The following FNIP1 variants were observed in gnomAD, a reference collection of about 807,000 sequenced individuals.
FNIP1 encodes folliculin-interacting protein 1.
A neutral mutation model predicts 124.5 loss-of-function variants in FNIP1; 40 were observed. The observed-to-expected ratio is 0.32, with a 90% CI of 0.25 to 0.42. The LOEUF is 0.42. Ranked by LOEUF, FNIP1 falls within the 10% of genes least tolerant of loss-of-function variation. FNIP1 has a pLI of 1.00. For synonymous variants in FNIP1, 472 were observed against 470.6 expected (o/e 1.00, Z -0.04); for missense variants, 1,176 against 1,403.7 (o/e 0.84, Z 2.59).
intron 2 of FNIP1, among the ~76,000 whole-genome samples, chr5:131,742,979 A>C (rs1314314669): frequency 1.3e-5 from 2 of 152,210 alleles, no homozygotes. Flanking sequence ...GTAGGAAATA[A>C]AGGTGAGTAA....
intron 3 of FNIP1, among the ~76,000 whole-genome samples, chr5:131,724,686 C>T (rs1003741644): frequency 2.6e-5 from 4 of 152,156 alleles, no homozygotes; most frequent in Non-Finnish European, 4.4e-5. Flanking sequence ...GTTTCTTTTG[C>T]TGTGCAGAAG....
intron 1 of FNIP1, among the ~76,000 whole-genome samples, chr5:131,778,174 C>T (rs2149582122): frequency 6.6e-6 from 1 of 152,092 alleles, no homozygotes; most frequent in East Asian, 1.9e-4. Context: ...GCCTGGGCAA[C>T]AAAGCAAGAC....
chr5:131,749,339 A>G (rs1388703208), intron 1 of FNIP1, among the ~76,000 whole-genome samples: 1 of 151,462 alleles, frequency 6.6e-6, no homozygotes, highest in East Asian at 1.9e-4. Context: ...GTCTCGCAAA[A>G]TCCATTCACA....
intron 1 of FNIP1, among the ~76,000 whole-genome samples, chr5:131,746,491 T>C (rs1770685861): frequency 6.6e-6 from 1 of 152,188 alleles, no homozygotes; most frequent in African/African-American, 2.4e-5. Context: ...GAGTATCCAA[T>C]GTTTAGCTCC....
intron 12 of FNIP1, among the ~76,000 whole-genome samples, chr5:131,678,156 A>T (rs1767965360): frequency 6.6e-6 from 1 of 152,232 alleles, no homozygotes; most frequent in Admixed American, 6.5e-5. Flanking sequence ...TTTACTTCAA[A>T]AATTATGGAT....
At chr5:131,655,822 G>C (rs968709930) in intron 15 of FNIP1, among the ~76,000 whole-genome samples, 2 of 151,860 alleles carry the variant, frequency 1.3e-5, no homozygotes. Flanking sequence ...AGAGGCTGAC[G>C]CAGGAGAATG....
At chr5:131,775,894 A>T (rs1771787284) in intron 1 of FNIP1, among the ~76,000 whole-genome samples, 1 of 152,192 alleles carries the variant, frequency 6.6e-6, no homozygotes. Context: ...TGCCTGACAC[A>T]TAAGCTACAA....
chr5:131,666,817 C>A (rs1418201329), intron 15 of FNIP1, among the ~76,000 whole-genome samples: 3 of 152,172 alleles, frequency 2.0e-5, no homozygotes, highest in African/African-American at 7.2e-5. Context: ...CAGCAGGAGA[C>A]AGCAATGTTT....
At chr5:131,685,059 G>T (rs780163684) in intron 11 of FNIP1, among the ~76,000 whole-genome samples, 3 of 152,046 alleles carry the variant, frequency 2.0e-5, no homozygotes, top group Non-Finnish European at 2.9e-5. Flanking sequence ...TCGATAAAAC[G>T]TATTAATAAT....
rs376183613 is a variant in FNIP1, at chr5:131,709,323, G to A, written c.707-51C>T. On this transcript the variant is annotated intron_variant, in intron 7 of 17. Coordinates refer to ENST00000510461, the MANE Select transcript of FNIP1 (RefSeq NM_133372.3). ...TTATAAAATATATTGCTATTCAGGT[G>A]GATGAACAGCTCCTTTTAAATAGCA... The A allele has an allele frequency of 8.8e-5, 127 of 1,450,000 alleles. 1 individual carries two copies. In the South Asian group the frequency reaches 1.4e-3, roughly 16 times the overall value. The allele number at this position is 1,450,000 out of a possible 1,614,324, so 89.8% of individuals were successfully genotyped here.
Position 131,753,022 on chromosome 5 carries a change from C to A in FNIP1, c.93-8332G>T, listed in dbSNP as rs185899671. ...GGGAGGTGGAGGTTGCAGTGAGCCA[C>A]GATTGCATCACTGCACTCCAGCCTG... On this transcript the variant is annotated intron_variant, in intron 1 of 17. Coordinates refer to ENST00000510461, the MANE Select transcript of FNIP1 (RefSeq NM_133372.3). Among the ~76,000 whole-genome samples, 1,027 of 152,200 alleles carry A rather than the reference C, an allele frequency of 6.7e-3. 10 individuals carry two copies. The highest frequency in any genetic ancestry group is 0.011 in the Non-Finnish European group (746 of 67,984).
rs1473427290 is a variant in FNIP1 at position 131,710,561 on chromosome 5, C to G, written c.706+17G>C. The G allele has an allele frequency of 6.2e-7, 1 of 1,612,252 alleles. No individual in the cohort carries two copies. Among genetic ancestry groups the G allele is most frequent in the Non-Finnish European group, 8.5e-7 (1 of 1,179,486 alleles). On this transcript the variant is annotated intron_variant, in intron 7 of 17. Coordinates refer to ENST00000510461, the MANE Select transcript of FNIP1 (RefSeq NM_133372.3). The stretch of plus-strand genomic sequence containing the variant: ...TGGGGCACACCAACTAGTCTACCCA[C>G]ACAGCACATCGCAAACCTGCAAAGA...
In FNIP1 at chr5:131,655,158, G is replaced by A. The variant is rs143881006; in HGVS notation, c.3109-3159C>T. The stretch of plus-strand genomic sequence containing the variant: ...CAATTTGAAAAACTTAGACAAAACC[G>A]TGTAGCCTAGAAATACGGAAAATAA... On this transcript the variant is annotated intron_variant, in intron 15 of 17. Transcript: ENST00000510461. Among the ~76,000 whole-genome samples the A allele has an allele frequency of 3.0e-4, 45 of 152,216 alleles. No individual in the cohort carries two copies. In the South Asian group the frequency reaches 5.2e-3, roughly 18 times the overall value.
chr5:131,719,416 C>T lies in FNIP1; in HGVS notation c.356G>A (p.Gly119Asp). 6.2e-7 allele frequency: 1 copy of T among 1,604,342 alleles called. No homozygotes were observed. Among genetic ancestry groups the T allele is most frequent in the Non-Finnish European group, 8.5e-7 (1 of 1,177,382 alleles). The change falls in exon 4 of 18, where the codon GGT (glycine) becomes GAT (aspartate). Residue 119 changes from glycine (G) to aspartate (D), a missense_variant and splice_region_variant. This residue lies in a region of FNIP1 where 1,109 missense variants were observed against 1,288.5 expected (regional missense o/e 0.86). Transcript: ENST00000510461. ...DIKDQCLKYQGSRCSSDANML... is the reference protein window; with the variant it reads ...DIKDQCLKYQDSRCSSDANML... Reference sequence around the variant, plus strand: ...ATTGGCATCAGAAGAGCACCGAGAACCCTAAACAATAACCACATATTAACA... The same window carrying T: ...ATTGGCATCAGAAGAGCACCGAGAATCCTAAACAATAACCACATATTAACA...
chr5:131,754,295 T>G (rs1301074883), intron 1 of FNIP1, among the ~76,000 whole-genome samples: 1 of 152,210 alleles, frequency 6.6e-6, no homozygotes, highest in Non-Finnish European at 1.5e-5. Flanking sequence ...AATGATTTTA[T>G]CAACGTGATA....
chr5:131,688,052 G>A (rs952778685), intron 11 of FNIP1, among the ~76,000 whole-genome samples: 2 of 152,030 alleles, frequency 1.3e-5, no homozygotes, highest in Non-Finnish European at 2.9e-5. Flanking sequence ...GGCAGGGAGA[G>A]GGGATGGCTA....
At chr5:131,796,707 G>T in intron 1 of FNIP1, 123 bp downstream of exon 1, 1 of 871,790 alleles carries the variant, frequency 1.1e-6, no homozygotes, top group East Asian at 2.9e-5. Flanking sequence ...CCCCACCGAG[G>T]ACCAGATGCT....
chr5:131,647,488 T>C (rs1051019627), intron 16 of FNIP1, among the ~76,000 whole-genome samples: 1 of 152,020 alleles, frequency 6.6e-6, no homozygotes, highest in Non-Finnish European at 1.5e-5. Context: ...TTGTTTTTTG[T>C]TTTTGAGATG....
At chr5:131,786,166 G>A (rs950777096) in intron 1 of FNIP1, among the ~76,000 whole-genome samples, 3 of 152,262 alleles carry the variant, frequency 2.0e-5, no homozygotes, top group African/African-American at 7.2e-5. Flanking sequence ...AAGCATCTTT[G>A]TTAAATGAAT....
Sources: gnomAD v4.1 joint callset for allele counts (sites outside exome capture counted in the v4.1 genomes callset) on GRCh38, gnomAD v4.1.1 for gene constraint, gnomAD v4.1.1 regional missense constraint, MANE v1.5 for transcripts, NCBI Gene and HGNC (gene_info 2026-07-23, HGNC 2026-07-21) for gene names.